The following DNAH3 variants were observed in gnomAD, a reference collection of about 807,000 sequenced individuals.
DNAH3 encodes dynein axonemal heavy chain 3.
DNAH3 carries 332 observed loss-of-function variants against 432.5 expected under a neutral mutation model. The observed-to-expected ratio is 0.77, with a 90% CI of 0.70 to 0.84. The LOEUF (loss-of-function observed/expected upper bound fraction) is 0.84, where lower values mean the gene tolerates loss of function less well. DNAH3 is among the 40% of genes least tolerant of loss of function. The pLI is 0.00. For synonymous variants in DNAH3, 1,956 were observed against 1,900.2 expected (o/e 1.03, Z -0.76); for missense variants, 4,861 against 5,114.0 (o/e 0.95, Z 1.51).
At position 20,944,654 on chromosome 16, in the gene DNAH3, C is replaced by T. The variant is rs148278176; in HGVS notation, c.11353G>A (p.Asp3785Asn). ...GTGATGGGGAGATTCCTGAGATAGT[C>T]GATATAGGACTGGAAGGGAAATCTT... is the stretch of plus-strand genomic sequence containing the variant. Residue 3785 changes from aspartate to asparagine, a missense_variant, in exon 58 of 62, where the codon GAC (aspartate) becomes AAC (asparagine). Transcript: ENST00000261383. The T allele has an allele frequency of 1.2e-4, 187 of 1,613,860 alleles. No homozygotes were observed. In the African/African-American group the frequency reaches 2.0e-3, roughly 18 times the overall value.
intron 24 of DNAH3, among the ~76,000 whole-genome samples, chr16:21,063,417 T>C (rs1328371755): frequency 1.3e-5 from 2 of 152,066 alleles, no homozygotes; most frequent in African/African-American, 4.8e-5. Flanking sequence ...AGAAAGTAAA[T>C]GTTAATAATG....
intron 20 of DNAH3, 100 bp from the exon 21 acceptor site, chr16:21,075,661 C>T: frequency 2.2e-6 from 2 of 923,430 alleles, no homozygotes; most frequent in East Asian, 2.5e-5. Context: ...GCCTGTAATC[C>T]CAGCACTTTG....
chr16:20,974,086 A>G (rs1016100250), intron 51 of DNAH3, among the ~76,000 whole-genome samples: 3 of 152,032 alleles, frequency 2.0e-5, no homozygotes, highest in Non-Finnish European at 4.4e-5. Flanking sequence ...CAGTGGTGCG[A>G]CCTGGACCCA....
intron 33 of DNAH3, 146 bp downstream of exon 33, chr16:21,039,706 A>G (rs924683075): frequency 2.8e-6 from 2 of 724,562 alleles, no homozygotes; most frequent in Non-Finnish European, 5.0e-6. Context: ...GGCCAGGGCT[A>G]TGTGCTCTCA....
At chr16:21,004,677 C>T (rs1328323596) in intron 41 of DNAH3, among the ~76,000 whole-genome samples, 1 of 151,750 alleles carries the variant, frequency 6.6e-6, no homozygotes, top group Non-Finnish European at 1.5e-5. Flanking sequence ...CCTTCCCCGT[C>T]TCTTTCTTTC....
Position 20,968,489 on chromosome 16 carries a change from A to C in DNAH3, c.8458+1303T>G, listed in dbSNP as rs2085161693. Among the ~76,000 whole-genome samples, 3 of 152,328 alleles carry C rather than the reference A, an allele frequency of 2.0e-5. No individual in the cohort carries two copies. In the South Asian group the frequency reaches 6.2e-4, roughly 32 times the overall value. On this transcript the variant is annotated intron_variant, in intron 52 of 61. Coordinates refer to ENST00000261383, the Ensembl canonical transcript of DNAH3. ...GAGGTGATTTTTAAAGTCACTGTTC[A>C]GCTCTAAGGCACTGGTCTTAATGCA...
At chr16:21,119,955 GC>G (rs1242838276) in intron 11 of DNAH3, among the ~76,000 whole-genome samples, 1 of 152,136 alleles carries the variant, frequency 6.6e-6, no homozygotes, top group Non-Finnish European at 1.5e-5. Context: ...CTACCAAAGT[GC>G]TGGGATTACA....
chr16:20,963,513 C>T (rs757514369), exon 53 of DNAH3: 3 of 1,614,052 alleles, frequency 1.9e-6, no homozygotes, highest in Non-Finnish European at 2.5e-6. Context: ...GGAGTTGCTC[C>T]TCATGGGGCC....
chr16:20,975,130 C>CT (rs2085526632), intron 51 of DNAH3, 103 bp downstream of exon 51: 4 of 1,407,600 alleles, frequency 2.8e-6, no homozygotes, highest in African/African-American at 1.4e-5. Flanking sequence ...CATGCCCAGC[C>CT]TTGCCTACCC....
chr16:20,991,075 C>G (rs2086534354), intron 44 of DNAH3, among the ~76,000 whole-genome samples: 1 of 152,082 alleles, frequency 6.6e-6, no homozygotes, highest in Non-Finnish European at 1.5e-5. Flanking sequence ...ATTTTGCCAG[C>G]CCTCCACAAA....
At chr16:20,957,825 A>G (rs1177832199) in intron 54 of DNAH3, among the ~76,000 whole-genome samples, 7 of 76,598 alleles carry the variant, frequency 9.1e-5, no homozygotes, top group Admixed American at 1.3e-4. Flanking sequence ...AAAAAAAAAA[A>G]AAAAAAAAAA....
chr16:21,065,698 T>G (rs979856690), intron 24 of DNAH3, among the ~76,000 whole-genome samples: 6 of 152,200 alleles, frequency 3.9e-5, no homozygotes, highest in Admixed American at 3.9e-4. Context: ...ACATATAAAG[T>G]GCTCAGTGGC....
At chr16:21,096,359 T>C (rs903663588) in intron 18 of DNAH3, among the ~76,000 whole-genome samples, 1 of 152,060 alleles carries the variant, frequency 6.6e-6, no homozygotes, top group Non-Finnish European at 1.5e-5. Context: ...CTCGAACTCC[T>C]GGGCTCATGC....
Position 21,010,929 on chromosome 16 carries a change from A to T in DNAH3, c.6023-7722T>A, listed in dbSNP as rs555744006. Among the ~76,000 whole-genome samples, 639 of 136,752 alleles carry T rather than the reference A, an allele frequency of 4.7e-3. 3 individuals are homozygous for T. The highest frequency in any genetic ancestry group is 0.015 in the African/African-American group (552 of 36,658). The allele number at this position is 136,752 out of a possible 152,430, so 89.7% of individuals were successfully genotyped here. On this transcript the variant is annotated intron_variant, in intron 41 of 61. Coordinates refer to ENST00000261383, the Ensembl canonical transcript of DNAH3. ...TTTTTTTTGTTTTGTTTTGTTTTTT[A>T]AAAAAAACAAGCTGCTGCAAAAGAG...
chr16:20,944,800 CA>C, intron 57 of DNAH3, 137 bp from the exon 58 acceptor site: 1 of 823,184 alleles, frequency 1.2e-6, no homozygotes, highest in Non-Finnish European at 1.9e-6. Flanking sequence ...CACACACACA[CA>C]CGCTGGGAGA....
chr16:21,009,834 G>A (rs932204800), intron 41 of DNAH3, among the ~76,000 whole-genome samples: 3 of 148,212 alleles, frequency 2.0e-5, no homozygotes, highest in Admixed American at 6.8e-5. Context: ...GTGATGAGCC[G>A]TGACTACGCC....
intron 37 of DNAH3, among the ~76,000 whole-genome samples, chr16:21,029,167 A>G (rs994678186): frequency 6.6e-6 from 1 of 152,250 alleles, no homozygotes; most frequent in Non-Finnish European, 1.5e-5. Context: ...CAATTAGTTT[A>G]TATAATATAG....
intron 58 of DNAH3, among the ~76,000 whole-genome samples, chr16:20,944,092 C>G (rs984561513): frequency 6.6e-6 from 1 of 151,200 alleles, no homozygotes; most frequent in African/African-American, 2.4e-5. Context: ...CGTATCATGA[C>G]TTTATGGAAA....
chr16:21,075,269 C>T (rs1012108259), intron 21 of DNAH3, among the ~76,000 whole-genome samples, 178 bp downstream of exon 21: 11 of 152,094 alleles, frequency 7.2e-5, no homozygotes, highest in African/African-American at 1.9e-4. Context: ...TGAATCTCTT[C>T]GGTGGTGCTG....
Sources: allele counts gnomAD v4.1 joint callset (sites outside exome capture counted in the v4.1 genomes callset), GRCh38; gene constraint gnomAD v4.1.1; transcripts MANE v1.5; gene names NCBI Gene and HGNC (gene_info 2026-07-23, HGNC 2026-07-21).